Variants in PPFIA2 observed in about 807,000 individuals in gnomAD.
PPFIA2 encodes liprin-alpha-2.
PPFIA2 carries 46 observed loss-of-function variants against 175.5 expected under a neutral mutation model. The ratio of observed to expected loss-of-function variants is 0.26; its 90% confidence interval spans 0.21 to 0.34. The LOEUF is 0.34. Ranked by LOEUF, PPFIA2 falls within the 10% of genes least tolerant of loss-of-function variation. The pLI, the probability that PPFIA2 is intolerant of heterozygous loss-of-function variation, is 1.00. For synonymous variants in PPFIA2, 568 were observed against 511.4 expected (o/e 1.11, Z -1.49); for missense variants, 1,179 against 1,506.1 (o/e 0.78, Z 3.60).
intron 9 of PPFIA2, among the ~76,000 whole-genome samples, chr12:81,377,215 G>A (rs567957363): frequency 1.3e-5 from 2 of 151,994 alleles, no homozygotes; most frequent in East Asian, 3.9e-4. Context: ...TTGACTTTGA[G>A]AATTTTTGTA....
At chr12:81,700,034 T>C (rs1193056064) in intron 3 of PPFIA2, among the ~76,000 whole-genome samples, 2 of 152,002 alleles carry the variant, frequency 1.3e-5, no homozygotes, top group East Asian at 3.9e-4. Flanking sequence ...TTCATGAAAA[T>C]ATTGGACTTT....
At chr12:81,383,792 TATC>T (rs2141993060) in intron 9 of PPFIA2, among the ~76,000 whole-genome samples, 1 of 152,308 alleles carries the variant, frequency 6.6e-6, no homozygotes, top group African/African-American at 2.4e-5. Flanking sequence ...GTCTTTGTTA[TATC>T]TGACCCTTGA....
At position 81,402,927 on chromosome 12, in the gene PPFIA2, A is replaced by G. The variant is rs1372764763; in HGVS notation, c.762+2860T>C. 2.0e-5 allele frequency among the ~76,000 whole-genome samples: 3 copies of G among 152,242 alleles called. No homozygotes were observed. In the East Asian group the frequency reaches 5.8e-4, roughly 29 times the overall value. On this transcript the variant is annotated intron_variant, in intron 8 of 32. Coordinates refer to ENST00000549396, the MANE Select transcript of PPFIA2 (RefSeq NM_003625.5). ...TTTATTGGAACATCCTGAGAAATCA[A>G]TCACAGGATTAATATAAATTGAAAC...
chr12:81,369,566 A>G (rs2034531066), intron 11 of PPFIA2: 1 of 582,430 alleles, frequency 1.7e-6, no homozygotes, highest in Non-Finnish European at 2.4e-6. Flanking sequence ...ATAAATGAAA[A>G]GAAAAACTTA....
chr12:81,719,739 T>C (rs182313025), intron 3 of PPFIA2, among the ~76,000 whole-genome samples: 186 of 151,646 alleles, frequency 1.2e-3, no homozygotes, highest in Middle Eastern at 3.4e-3. Flanking sequence ...TTCAATAATA[T>C]ATACATATTC....
chr12:81,695,710 T>A (rs2075820260), intron 3 of PPFIA2, among the ~76,000 whole-genome samples: 3 of 152,206 alleles, frequency 2.0e-5, no homozygotes, highest in Admixed American at 1.3e-4. Flanking sequence ...CTTACTCTGT[T>A]CAGAAAAACA....
intron 3 of PPFIA2, among the ~76,000 whole-genome samples, chr12:81,741,845 C>A (rs1208492124): frequency 2.6e-5 from 4 of 151,970 alleles, no homozygotes; most frequent in African/African-American, 9.7e-5. Flanking sequence ...GTTATAAGTG[C>A]TTTGGAGGAA....
At chr12:81,644,980 G>C (rs953969523) in intron 4 of PPFIA2, among the ~76,000 whole-genome samples, 1 of 146,256 alleles carries the variant, frequency 6.8e-6, no homozygotes, top group Non-Finnish European at 1.5e-5. Context: ...AAAACACAAA[G>C]GGAGGAATAG....
At chr12:81,375,654 T>A (rs1405704805) in intron 10 of PPFIA2, 142 bp downstream of exon 10, 3 of 822,116 alleles carry the variant, frequency 3.6e-6, no homozygotes, top group African/African-American at 3.5e-5. Flanking sequence ...CTGAAAATCG[T>A]ATTTGTTTTG....
chr12:81,389,190 T>C (rs1207678049), intron 8 of PPFIA2, among the ~76,000 whole-genome samples: 1 of 148,174 alleles, frequency 6.7e-6, no homozygotes, highest in Non-Finnish European at 1.5e-5. Flanking sequence ...TATATACACA[T>C]ATATTATATA....
chr12:81,502,352 G>T (rs2060675852), intron 4 of PPFIA2, among the ~76,000 whole-genome samples: 1 of 152,178 alleles, frequency 6.6e-6, no homozygotes, highest in African/African-American at 2.4e-5. Flanking sequence ...AAACATTTGT[G>T]CAATGTAGAA....
chr12:81,633,612 A>G (rs2063647824), intron 4 of PPFIA2, among the ~76,000 whole-genome samples: 1 of 152,030 alleles, frequency 6.6e-6, no homozygotes, highest in Admixed American at 6.5e-5. Flanking sequence ...CTTGCCAGGC[A>G]GAGAAAGGAA....
chr12:81,555,310 T>C (rs1217122547), intron 4 of PPFIA2, among the ~76,000 whole-genome samples: 1 of 151,998 alleles, frequency 6.6e-6, no homozygotes, highest in East Asian at 1.9e-4. Context: ...AAGTCCATGA[T>C]TTCAAAATGG....
chr12:81,439,615 C>T (rs1407944559), intron 7 of PPFIA2, among the ~76,000 whole-genome samples: 1 of 152,094 alleles, frequency 6.6e-6, no homozygotes, highest in Non-Finnish European at 1.5e-5. Context: ...AAGGAGTTCA[C>T]TTTTATTTGT....
At chr12:81,658,879 A>T (rs1279798415) in intron 4 of PPFIA2, among the ~76,000 whole-genome samples, 1 of 152,182 alleles carries the variant, frequency 6.6e-6, no homozygotes, top group Non-Finnish European at 1.5e-5. Context: ...TTTTTGACAA[A>T]ACTATGGAAT....
chr12:81,357,082 T>G (rs756885297), intron 16 of PPFIA2, among the ~76,000 whole-genome samples: 1 of 152,178 alleles, frequency 6.6e-6, no homozygotes, highest in Admixed American at 6.5e-5. Flanking sequence ...ATAAAATGAT[T>G]TCTATGGAAG....
At position 81,536,697 on chromosome 12, in the gene PPFIA2, T is replaced by C. The variant is rs552292589; in HGVS notation, c.304-78831A>G. The stretch of plus-strand genomic sequence containing the variant: ...ATTCAATTAATATATACATGCTATA[T>C]ATATATAGCATGTAATATACATATA... On this transcript the variant is annotated intron_variant, in intron 4 of 32. Coordinates refer to ENST00000549396, the MANE Select transcript of PPFIA2 (RefSeq NM_003625.5). 6.9e-5 allele frequency among the ~76,000 whole-genome samples: 10 copies of C among 145,246 alleles called. No homozygotes were observed. In the Admixed American group the frequency reaches 6.9e-4, roughly 10 times the overall value.
At chr12:81,645,556 G>A (rs1258491593) in intron 4 of PPFIA2, among the ~76,000 whole-genome samples, 1 of 152,172 alleles carries the variant, frequency 6.6e-6, no homozygotes, top group Admixed American at 6.5e-5. Flanking sequence ...ATGAGAAAGA[G>A]GTAGGTAATT....
chr12:81,283,472 C>A (rs926019593), intron 25 of PPFIA2, among the ~76,000 whole-genome samples: 6 of 151,832 alleles, frequency 4.0e-5, no homozygotes, highest in African/African-American at 1.5e-4. Flanking sequence ...ATAATCAAAT[C>A]GATTTCAACA....
Sources: gnomAD v4.1 joint callset for allele counts (sites outside exome capture counted in the v4.1 genomes callset) on GRCh38, gnomAD v4.1.1 for gene constraint, MANE v1.5 for transcripts, NCBI Gene and HGNC (gene_info 2026-07-23, HGNC 2026-07-21) for gene names.